The following NCKAP1 variants were observed in gnomAD, a reference collection of about 807,000 sequenced individuals.
NCKAP1 encodes NCK associated protein 1.
A neutral mutation model predicts 151.2 loss-of-function variants in NCKAP1; 21 were observed. The observed-to-expected ratio is 0.14, with a 90% CI of 0.10 to 0.20. NCKAP1 has a LOEUF of 0.20. Ranked by LOEUF, NCKAP1 falls within the 10% of genes least tolerant of loss-of-function variation. The pLI, the probability that NCKAP1 is intolerant of heterozygous loss-of-function variation, is 1.00. For missense variants in NCKAP1, 933 were observed against 1,352.1 expected, an observed-to-expected ratio of 0.69 and a Z score of 4.86; for synonymous variants, 484 against 451.8, an observed-to-expected ratio of 1.07 and a Z score of -0.90.
chr2:183,005,276 T>C (rs1279353509), intron 2 of NCKAP1, among the ~76,000 whole-genome samples: 1 of 152,220 alleles, frequency 6.6e-6, no homozygotes, highest in African/African-American at 2.4e-5. Context: ...CAATTTATTT[T>C]AGTTGCCCTA....
intron 2 of NCKAP1, among the ~76,000 whole-genome samples, chr2:183,010,933 C>A (rs141215682): frequency 6.6e-6 from 1 of 152,242 alleles, no homozygotes; most frequent in African/African-American, 2.4e-5. Flanking sequence ...ACTTTCAAAA[C>A]CAGTAGACCA....
At chr2:182,926,767 G>C in intron 30 of NCKAP1, 49 bp downstream of exon 30, 1 of 1,266,066 alleles carries the variant, frequency 7.9e-7, no homozygotes, top group Non-Finnish European at 1.1e-6. Flanking sequence ...AGATTCTCAG[G>C]AACGACTGGA....
chr2:183,014,517 A>G (rs1346865172), intron 2 of NCKAP1, among the ~76,000 whole-genome samples: 1 of 152,202 alleles, frequency 6.6e-6, no homozygotes, highest in Non-Finnish European at 1.5e-5. Context: ...TCTACATTCT[A>G]TCCTACACTA....
rs191413371 is a variant in NCKAP1, at chr2:183,030,746, G to C, written c.109-6830C>G. Among the ~76,000 whole-genome samples, 10 of 152,244 alleles carry C rather than the reference G, an allele frequency of 6.6e-5. No individual in the cohort carries two copies. In the East Asian group the frequency reaches 1.9e-3, roughly 29 times the overall value. On this transcript the variant is annotated intron_variant, in intron 1 of 30. Coordinates refer to ENST00000361354, the MANE Select transcript of NCKAP1 (RefSeq NM_013436.5). Reference sequence around the variant, plus strand: ...AGAATAGACGTTACCTGAAATTATGGAATGTAAAAGTAATATATACCTATG... The same window carrying C: ...AGAATAGACGTTACCTGAAATTATGCAATGTAAAAGTAATATATACCTATG...
At chr2:182,988,969 G>A (rs528121843) in intron 9 of NCKAP1, 61 bp downstream of exon 9, 3 of 1,463,314 alleles carry the variant, frequency 2.1e-6, no homozygotes, top group Admixed American at 1.9e-5. Context: ...CAAAACTTCA[G>A]TAAAGATAAC....
intron 17 of NCKAP1, among the ~76,000 whole-genome samples, chr2:182,962,580 T>C (rs947269204): frequency 2.0e-5 from 3 of 152,174 alleles, no homozygotes; most frequent in African/African-American, 7.2e-5. Flanking sequence ...CAAAGTCCTA[T>C]ATCCAGTTCT....
intron 4 of NCKAP1, among the ~76,000 whole-genome samples, chr2:183,002,585 T>A (rs1698394663): frequency 6.6e-6 from 1 of 151,932 alleles, no homozygotes; most frequent in Non-Finnish European, 1.5e-5. Flanking sequence ...AGGAAAAAAA[T>A]TATTTTTTAA....
chr2:183,009,475 G>GAAGGAAGGAAGCAAGCAAGC (rs1485338665), intron 2 of NCKAP1, among the ~76,000 whole-genome samples: 13 of 100,224 alleles, frequency 1.3e-4, no homozygotes, highest in South Asian at 1.2e-3. Flanking sequence ...AGGAAGGAAG[G>GAAGGAAGGAAGCAAGCAAGC]AAGCAAGCAA....
chr2:182,944,496 T>G (rs896244280), intron 23 of NCKAP1, among the ~76,000 whole-genome samples: 4 of 152,008 alleles, frequency 2.6e-5, no homozygotes, highest in African/African-American at 4.8e-5. Flanking sequence ...CAACCCCAAA[T>G]AAAACACCCA....
At chr2:183,000,314 T>A (rs565095255) in intron 6 of NCKAP1, among the ~76,000 whole-genome samples, 2 of 152,230 alleles carry the variant, frequency 1.3e-5, no homozygotes, top group Non-Finnish European at 2.9e-5. Context: ...TTTGTTAATG[T>A]GCTAATGCCT....
At chr2:182,983,441 T>A in intron 10 of NCKAP1, 59 bp from the exon 11 acceptor site, 2 of 1,255,750 alleles carry the variant, frequency 1.6e-6, no homozygotes, top group Non-Finnish European at 2.3e-6. Context: ...TATTGGCAAT[T>A]AAAGTAACTA....
chr2:182,995,867 G>T, intron 6 of NCKAP1, 29 bp from the exon 7 acceptor site: 1 of 1,576,140 alleles, frequency 6.3e-7, no homozygotes, highest in Non-Finnish European at 8.7e-7. Flanking sequence ...AAAAGCTGAA[G>T]AATAATTTTC....
In NCKAP1 at chr2:182,989,146, A is replaced by G; in HGVS notation, c.831T>C (p.Ala277=). 6.2e-7 allele frequency: 1 copy of G among 1,612,140 alleles called. No homozygotes were observed. Among genetic ancestry groups the G allele is most frequent in the Non-Finnish European group, 8.5e-7 (1 of 1,179,198 alleles). ...ILCHGILNTD[A]TALNLWKLAL... ...CTAGTTTCCAAAGGTTCAGTGCTGT[A>G]GCGTCAGTATTTAGGATCCCATGGC... The change falls in exon 9 of 31, where the codon GCT becomes GCC. Residue 277 remains alanine (A), a synonymous_variant. Transcript: ENST00000361354.
chr2:183,023,373 TGAAAATACTA>T (rs1177089531), intron 2 of NCKAP1, among the ~76,000 whole-genome samples: 1 of 152,128 alleles, frequency 6.6e-6, no homozygotes, highest in Non-Finnish European at 1.5e-5. Flanking sequence ...TTGTCAATTA[TGAAAATACTA>T]GAAAAACAAA....
At chr2:182,997,952 C>A (rs1698301425) in intron 6 of NCKAP1, among the ~76,000 whole-genome samples, 1 of 152,296 alleles carries the variant, frequency 6.6e-6, no homozygotes, top group South Asian at 2.1e-4. Context: ...AAACCACATC[C>A]AGCAGGACAT....
chr2:183,016,645 T>C (rs1698693905), intron 2 of NCKAP1, among the ~76,000 whole-genome samples: 1 of 152,198 alleles, frequency 6.6e-6, no homozygotes, highest in South Asian at 2.1e-4. Flanking sequence ...GGTGATTCCT[T>C]CTAAACCAAA....
At chr2:182,965,413 C>A (rs573869710) in intron 16 of NCKAP1, among the ~76,000 whole-genome samples, 1 of 152,028 alleles carries the variant, frequency 6.6e-6, no homozygotes, top group South Asian at 2.1e-4. Flanking sequence ...CATCCTTAAC[C>A]TCTTGGGCTC....
chr2:182,945,420 A>C (rs1697083591), intron 23 of NCKAP1, among the ~76,000 whole-genome samples: 1 of 152,052 alleles, frequency 6.6e-6, no homozygotes, highest in African/African-American at 2.4e-5. Flanking sequence ...AAGAAAAAAA[A>C]ACCAGCAAAG....
At chr2:182,954,454 C>A (rs1474230753) in intron 20 of NCKAP1, among the ~76,000 whole-genome samples, 1 of 152,098 alleles carries the variant, frequency 6.6e-6, no homozygotes, top group African/African-American at 2.4e-5. Context: ...AGACAACCGA[C>A]AAATCCCATC....
Sources: allele counts gnomAD v4.1 joint callset (sites outside exome capture counted in the v4.1 genomes callset), GRCh38; gene constraint gnomAD v4.1.1; transcripts MANE v1.5; gene names NCBI Gene and HGNC (gene_info 2026-07-23, HGNC 2026-07-21).